The following KRT24 variants were observed in gnomAD, a reference collection of about 807,000 sequenced individuals.
KRT24 encodes keratin 24, also known as keratin, type I cytoskeletal 24.
A neutral mutation model predicts 51.7 loss-of-function variants in KRT24; 44 were observed. The observed-to-expected ratio is 0.85, with a 90% CI of 0.67 to 1.09. KRT24 has a LOEUF of 1.09. Among genes scored for constraint, KRT24 ranks in the 50% least tolerant of loss-of-function variants. The probability of loss-of-function intolerance (pLI) is 0.00; values close to 1 mark genes in which losing one functional copy is unlikely to be tolerated. For missense variants in KRT24, 633 were observed against 647.0 expected (o/e 0.98, Z 0.24); for synonymous variants, 241 against 249.5 (o/e 0.97, Z 0.32).
At position 40,701,866 on chromosome 17, in the gene KRT24, T is replaced by C. The variant is rs1233644769; in HGVS notation, c.683A>G (p.Asp228Gly). 6.8e-7 allele frequency: 1 copy of C among 1,479,486 alleles called. No homozygotes were observed. The highest frequency in any genetic ancestry group is 9.1e-7 in the Non-Finnish European group (1 of 1,103,688). The allele number at this position is 1,479,486 out of a possible 1,614,324, so 91.6% of individuals were successfully genotyped here. A position where few individuals can be genotyped will look rare whatever the true frequency, so the allele number is the denominator to read the frequency against. ...LHIDNARLAA[D>G]DFRLKYENEL... ...TGTTTCTTACTTCAGTCTGAAGTCA[T>C]CAGCAGCCAATCTGGCATTGTCAAT... The change falls in exon 2 of 8, where the codon GAT becomes GGT. Residue 228 changes from aspartate (D) to glycine (G), a missense_variant. Asp to Gly is a moderately conservative substitution (Grantham distance 94, BLOSUM62 -1). Transcript: ENST00000264651.
In KRT24 at chr17:40,700,214, G is replaced by A. The variant is rs112898776; in HGVS notation, c.1017+8C>T. ...TACTGGCTTAGGTGCTCAGCAGAGA[G>A]GATCTACCTGCTTGTTGAACCGCTC... On this transcript the variant is annotated splice_region_variant and intron_variant, in intron 4 of 7. Transcript: ENST00000264651. 3.1e-6 allele frequency: 5 copies of A among 1,614,026 alleles called. No homozygotes were observed. The highest frequency in any genetic ancestry group is 2.7e-5 in the African/African-American group (2 of 75,014).
intron 1 of KRT24, 51 bp from the exon 2 acceptor site, chr17:40,701,984 T>C: frequency 1.1e-6 from 1 of 914,096 alleles, no homozygotes; most frequent in Non-Finnish European, 1.7e-6. Flanking sequence ...TTACCTTGTG[T>C]CTGCATGCCT....
At position 40,703,541 on chromosome 17, in the gene KRT24, G is replaced by A; in HGVS notation, c.153C>T (p.Ser51=). ...AAGCACCGCTAGACCCCCCACTCAGGCTGCAGCTGCTGGCTCCTCCTCGGA... is the reference window on the plus strand; with the variant it reads ...AAGCACCGCTAGACCCCCCACTCAGACTGCAGCTGCTGGCTCCTCCTCGGA... ...QGFRGGASSC[S]LSGGSSGAFG... The change falls in exon 1 of 8, where the codon AGC becomes AGT. Residue 51 remains serine (S), a synonymous_variant. Transcript: ENST00000264651. The A allele has an allele frequency of 6.3e-7, 1 of 1,591,086 alleles. No individual in the cohort carries two copies. The highest frequency in any genetic ancestry group is 8.5e-7 in the Non-Finnish European group (1 of 1,176,516).
rs1192716431 is a variant in KRT24 at position 40,698,591 on chromosome 17, C to T, written c.1421G>A (p.Arg474Lys). The T allele has an allele frequency of 3.1e-6, 5 of 1,613,320 alleles. No homozygotes were observed. In the East Asian group the frequency reaches 1.1e-4, roughly 36 times the overall value. The stretch of plus-strand genomic sequence containing the variant: ...TCTTGAGTCACCAGATACCAGATCC[C>T]TGGATCCCATGTTTACAGATCCTGA... ...RNSGSVNMGS[R>K]DLVSGDSRSG... The change falls in exon 7 of 8, where the codon AGG (arginine) becomes AAG (lysine). Residue 474 changes from arginine (R) to lysine (K), a missense_variant. Arg to Lys is a conservative substitution (Grantham distance 26). Coordinates refer to ENST00000264651, the MANE Select transcript of KRT24 (RefSeq NM_019016.3).
At position 40,701,347 on chromosome 17, in the gene KRT24, G is replaced by A. The variant is rs552111293; in HGVS notation, c.699-51C>T. 4.0e-6 allele frequency: 6 copies of A among 1,497,098 alleles called. No homozygotes were observed. The African/African-American group carries it at 5.5e-5, about 14-fold the overall frequency. The allele number at this position is 1,497,098 out of a possible 1,614,324, so 92.7% of individuals were successfully genotyped here. The stretch of plus-strand genomic sequence containing the variant: ...AAATACTGTGAGCTCACCTGGCCGT[G>A]TTTCAAAGGGTACCTTCCATTCTTA... On this transcript the variant is annotated intron_variant, in intron 2 of 7. Coordinates refer to ENST00000264651, the MANE Select transcript of KRT24 (RefSeq NM_019016.3).
chr17:40,701,123 G>A lies in KRT24; in HGVS notation c.855+17C>T. ...ATGTTAGCTAGAGTTATTCGTTTAT[G>A]TAGAACATGTTCCTACCTCCTCGTG... On this transcript the variant is annotated intron_variant, in intron 3 of 7. Coordinates refer to ENST00000264651, the MANE Select transcript of KRT24 (RefSeq NM_019016.3). The A allele has an allele frequency of 6.2e-7, 1 of 1,611,374 alleles. No individual in the cohort carries two copies. Among genetic ancestry groups the A allele is most frequent in the Non-Finnish European group, 8.5e-7 (1 of 1,178,018 alleles).
At chr17:40,698,488 G>C (rs762333516) in intron 7 of KRT24, 50 bp downstream of exon 7, 1 of 1,216,852 alleles carries the variant, frequency 8.2e-7, no homozygotes, top group African/African-American at 1.5e-5. Flanking sequence ...AGCAAAGTAT[G>C]TCTTCACTTT....
Position 40,703,618 on chromosome 17 carries a change from T to G in KRT24, c.76A>C (p.Ser26Arg). 3.1e-6 allele frequency: 5 copies of G among 1,611,872 alleles called. No individual in the cohort carries two copies. Among genetic ancestry groups the G allele is most frequent in the Non-Finnish European group, 4.2e-6 (5 of 1,179,212 alleles). Reference protein sequence around the residue: ...SSARVSAGGSSFSSGSRCGLG... With the variant: ...SSARVSAGGSRFSSGSRCGLG... ...CCACATCTGCTTCCACTGCTGAAGC[T>G]GCTTCCACCAGCAGACACCCTGGCT... Residue 26 changes from serine to arginine, a missense_variant, in exon 1 of 8, where the codon AGC (serine) becomes CGC (arginine). Coordinates refer to ENST00000264651, the MANE Select transcript of KRT24 (RefSeq NM_019016.3).
rs1176901827 is a variant in KRT24 at position 40,700,067 on chromosome 17, C to T, written c.1074G>A (p.Lys358=). 1 of 1,614,042 alleles carries T rather than the reference C, an allele frequency of 6.2e-7. No homozygotes were observed. Among genetic ancestry groups the T allele is most frequent in the Non-Finnish European group, 8.5e-7 (1 of 1,180,042 alleles). The change falls in exon 5 of 8, where the codon AAG becomes AAA. Residue 358 remains lysine (K), a synonymous_variant. Coordinates refer to ENST00000264651, the MANE Select transcript of KRT24 (RefSeq NM_019016.3). The part of the protein sequence containing the change: ...STDAGAATSA[K]NEITELKRTL... ...TACGTTTTAGTTCTGTTATCTCATT[C>T]TTGGCAGAAGTGGCTGCCCCAGCAT... is the stretch of plus-strand genomic sequence containing the variant.
In KRT24 at chr17:40,699,587, C is replaced by G; in HGVS notation, c.1218G>C (p.Gln406His). 6.2e-7 allele frequency: 1 copy of G among 1,614,106 alleles called. No individual in the cohort carries two copies. The highest frequency in any genetic ancestry group is 1.3e-5 in the African/African-American group (1 of 74,924). ...AGATCTCCTCCTCCAGGGCACTGAT[C>G]TGCGTTTGAATTTCTGACAGCTGAG... ...YVAQLSEIQT[Q>H]ISALEEEICQ... Residue 406 changes from glutamine to histidine, a missense_variant, in exon 6 of 8, where the codon CAG becomes CAC. By Grantham distance (24) the Gln-to-His change is conservative (BLOSUM62 0). Coordinates refer to ENST00000264651, the MANE Select transcript of KRT24 (RefSeq NM_019016.3).
At position 40,703,366 on chromosome 17, in the gene KRT24, T is replaced by C; in HGVS notation, c.328A>G (p.Arg110Gly). The C allele has an allele frequency of 6.2e-7, 1 of 1,613,802 alleles. No individual in the cohort carries two copies. The highest frequency in any genetic ancestry group is 8.5e-7 in the Non-Finnish European group (1 of 1,179,868). The change falls in exon 1 of 8, where the codon AGA (arginine) becomes GGA (glycine). Residue 110 changes from arginine (R) to glycine (G), a missense_variant. By Grantham distance (125) the Arg-to-Gly change is moderately radical. Transcript: ENST00000264651. ...GRGSGFCGSSRFSSGATGGFY... is the reference protein window; with the variant it reads ...GRGSGFCGSSGFSSGATGGFY... ...CCTCCAGTAGCACCACTGCTGAATCTAGAACTCCCACAGAATCCAGAACCC... is the reference window on the plus strand; with the variant it reads ...CCTCCAGTAGCACCACTGCTGAATCCAGAACTCCCACAGAATCCAGAACCC...
chr17:40,698,171 T>A lies in KRT24; in HGVS notation c.*66A>T. 9.7e-7 allele frequency: 1 copy of A among 1,025,992 alleles called. No homozygotes were observed. The highest frequency in any genetic ancestry group is 2.4e-5 in the East Asian group (1 of 41,972). 63.6% of individuals were successfully genotyped at this position (1,025,992 alleles called of 1,614,324 possible). A position where few individuals can be genotyped will look rare whatever the true frequency, so the allele number is the denominator to read the frequency against. Reference sequence around the variant, plus strand: ...AGAAAGATGCCTAGATTGATGCCATTTCTTCGCTTGTGTCCTTCTTGATTT... The same window carrying A: ...AGAAAGATGCCTAGATTGATGCCATATCTTCGCTTGTGTCCTTCTTGATTT... On this transcript the variant is annotated 3_prime_UTR_variant, in exon 8 of 8. Coordinates refer to ENST00000264651, the MANE Select transcript of KRT24 (RefSeq NM_019016.3).
rs1461115560 is a variant in KRT24, at chr17:40,701,192, T to A, written c.803A>T (p.Gln268Leu). The A allele has an allele frequency of 2.5e-6, 4 of 1,614,090 alleles. No individual in the cohort carries two copies. The highest frequency in any genetic ancestry group is 3.4e-6 in the Non-Finnish European group (4 of 1,179,962). Residue 268 changes from glutamine to leucine, a missense_variant, in exon 3 of 8, where the codon CAG becomes CTG. Transcript: ENST00000264651. ...LTMTRSDLEM[Q>L]IESFTEELAY... Reference sequence around the variant, plus strand: ...TAGCTCCTCGGTGAAACTCTCAATCTGCATCTCCAGGTCAGAGCGGGTCAT... The same window carrying A: ...TAGCTCCTCGGTGAAACTCTCAATCAGCATCTCCAGGTCAGAGCGGGTCAT...
chr17:40,699,771 T>C, intron 5 of KRT24, 110 bp from the exon 6 acceptor site: 1 of 1,018,306 alleles, frequency 9.8e-7, no homozygotes. Flanking sequence ...ATATAACCTA[T>C]ATTGTTATAT....
intron 2 of KRT24, 60 bp from the exon 3 acceptor site, chr17:40,701,356 G>C: frequency 7.0e-7 from 1 of 1,433,174 alleles, no homozygotes; most frequent in African/African-American, 1.4e-5. Context: ...TGTTTCAAAG[G>C]GTACCTTCCA....
At position 40,698,176 on chromosome 17, in the gene KRT24, C is replaced by T. The variant is rs1319684065; in HGVS notation, c.*61G>A. On this transcript the variant is annotated 3_prime_UTR_variant, in exon 8 of 8. Transcript: ENST00000264651. ...GATGCCTAGATTGATGCCATTTCTT[C>T]GCTTGTGTCCTTCTTGATTTTTTTT... is the stretch of plus-strand genomic sequence containing the variant. 25 of 1,053,190 alleles carry T rather than the reference C, an allele frequency of 2.4e-5. No individual in the cohort carries two copies. The highest frequency in any genetic ancestry group is 2.0e-4 in the Middle Eastern group (1 of 4,978). 65.2% of individuals were successfully genotyped at this position (1,053,190 alleles called of 1,614,324 possible). A position where few individuals can be genotyped will look rare whatever the true frequency, so the allele number is the denominator to read the frequency against.
chr17:40,700,311 G>A lies in KRT24; in HGVS notation c.928C>T (p.Leu310=), dbSNP rs1345740061. 6.2e-7 allele frequency: 1 copy of A among 1,614,076 alleles called. No homozygotes were observed. The highest frequency in any genetic ancestry group is 1.7e-5 in the Admixed American group (1 of 60,026). ...VEMNAAPGTD[L]TKLLNDMRAQ... ...CTCATGTCATTCAGTAATTTGGTCA[G>A]GTCGGTCCCTGGCGCAGCATTCATT... Residue 310 remains leucine (L), a synonymous_variant, in exon 4 of 8, where the codon CTG becomes TTG. Transcript: ENST00000264651.
At chr17:40,699,894 T>G in intron 5 of KRT24, 104 bp downstream of exon 5, 1 of 1,424,172 alleles carries the variant, frequency 7.0e-7, no homozygotes, top group Non-Finnish European at 9.8e-7. Context: ...GCAGTTCTCC[T>G]TAACACTGCC....
intron 2 of KRT24, 35 bp downstream of exon 2, chr17:40,701,816 C>T (rs200086213): frequency 1.5e-5 from 12 of 780,780 alleles, no homozygotes; most frequent in Admixed American, 9.7e-5. Context: ...ATTTTTCTCC[C>T]GTAACACTTG....
Sources: allele counts gnomAD v4.1 joint callset, GRCh38; gene constraint gnomAD v4.1.1; transcripts MANE v1.5; gene names NCBI Gene and HGNC (gene_info 2026-07-23, HGNC 2026-07-21).